KDM4D: variants seen among roughly 807,000 people sequenced by gnomAD.
The protein encoded by KDM4D is lysine-specific demethylase 4D.
For missense variants in KDM4D, 427 were observed against 674.8 expected, an observed-to-expected ratio of 0.63 and a Z score of 4.07; for synonymous variants, 254 against 249.1, an observed-to-expected ratio of 1.02 and a Z score of -0.19.
In KDM4D at chr11:94,997,198, T is replaced by C. The variant is rs374874359; in HGVS notation, c.-175T>C. On this transcript the variant is annotated 5_prime_UTR_variant, in exon 3 of 3. Transcript: ENST00000335080. ...GCTGCTGCCCAGAGTGGAATCTCAC[T>C]AGTGAATAAACAAGCCCAAGAAAGA... The C allele has an allele frequency of 1.4e-5, 7 of 498,824 alleles. No individual in the cohort carries two copies. The highest frequency in any genetic ancestry group is 7.4e-5 in the South Asian group (2 of 27,010). 30.9% of individuals were successfully genotyped at this position (498,824 alleles called of 1,614,324 possible).
chr11:94,995,640 CA>C, intron 2 of KDM4D, among the ~76,000 whole-genome samples: 1 of 152,154 alleles, frequency 6.6e-6, no homozygotes, highest in South Asian at 2.1e-4. Context: ...AATAGGCACT[CA>C]GTTAAAAACT....
At chr11:94,995,051 G>C (rs1472118218) in intron 2 of KDM4D, among the ~76,000 whole-genome samples, 1 of 152,132 alleles carries the variant, frequency 6.6e-6, no homozygotes, top group Admixed American at 6.5e-5. Flanking sequence ...AGAGGGAAGT[G>C]TGTGCCAACT....
intron 2 of KDM4D, among the ~76,000 whole-genome samples, chr11:94,980,965 T>G (rs1054690484): frequency 6.6e-6 from 1 of 152,154 alleles, no homozygotes; most frequent in African/African-American, 2.4e-5. Context: ...AAAATGCTGA[T>G]AGCAAGCATC....
At chr11:94,994,351 G>A (rs987623852) in intron 2 of KDM4D, among the ~76,000 whole-genome samples, 1 of 152,138 alleles carries the variant, frequency 6.6e-6, no homozygotes, top group East Asian at 1.9e-4. Flanking sequence ...AGTTGGAGAA[G>A]GAGAGCAGAA....
chr11:94,975,639 A>T lies in KDM4D; in HGVS notation c.-444-15A>T, dbSNP rs922496013. 6.6e-6 allele frequency: 1 copy of T among 151,956 alleles called. No homozygotes were observed. The highest frequency in any genetic ancestry group is 2.4e-5 in the African/African-American group (1 of 41,396). The allele number at this position is 151,956 out of a possible 1,614,324, so 9.4% of individuals were successfully genotyped here. Reference sequence around the variant, plus strand: ...AATATTATTTTTATTATTATTGTCTATCTTCCTATATTAGAACATAAGTTC... The same window carrying T: ...AATATTATTTTTATTATTATTGTCTTTCTTCCTATATTAGAACATAAGTTC... On this transcript the variant is annotated splice_polypyrimidine_tract_variant and intron_variant, in intron 1 of 2. Coordinates refer to ENST00000335080, the MANE Select transcript of KDM4D (RefSeq NM_018039.3).
At chr11:94,976,066 T>G (rs1159577499) in intron 2 of KDM4D, among the ~76,000 whole-genome samples, 4 of 152,212 alleles carry the variant, frequency 2.6e-5, no homozygotes. Flanking sequence ...AGCTTTTGAC[T>G]TAAATGGTTT....
At chr11:94,983,949 A>G (rs77532434) in intron 2 of KDM4D, among the ~76,000 whole-genome samples, 2,626 of 152,300 alleles carry the variant, frequency 0.017, 78 homozygotes, top group African/African-American at 0.06. Context: ...ATGATAATTC[A>G]AAGTATCTAC....
intron 2 of KDM4D, among the ~76,000 whole-genome samples, chr11:94,985,383 A>G (rs868988892): frequency 6.6e-6 from 1 of 152,374 alleles, no homozygotes; most frequent in South Asian, 2.1e-4. Flanking sequence ...ATGCTTAGGA[A>G]TAAATTTAAC....
intron 2 of KDM4D, among the ~76,000 whole-genome samples, chr11:94,989,674 C>T (rs997145192): frequency 6.6e-6 from 1 of 151,722 alleles, no homozygotes; most frequent in East Asian, 1.9e-4. Flanking sequence ...GAAGTCCACA[C>T]CAAATATTGG....
chr11:94,974,273 C>A (rs188799618), intron 1 of KDM4D, among the ~76,000 whole-genome samples: 27 of 152,192 alleles, frequency 1.8e-4, no homozygotes, highest in Middle Eastern at 6.8e-3. Flanking sequence ...TTTAATAAGA[C>A]AACGAAAAGT....
intron 2 of KDM4D, among the ~76,000 whole-genome samples, chr11:94,987,512 C>T (rs972042076): frequency 6.6e-6 from 1 of 152,186 alleles, no homozygotes; most frequent in East Asian, 1.9e-4. Context: ...CAACTACTGA[C>T]AGGTGCCCCC....
chr11:94,989,960 T>C (rs1190926194), intron 2 of KDM4D, among the ~76,000 whole-genome samples: 2 of 152,262 alleles, frequency 1.3e-5, no homozygotes, highest in East Asian at 1.9e-4. Context: ...GGTTTCACCA[T>C]GTTGGCCAGA....
chr11:94,998,658 C>G lies in KDM4D; in HGVS notation c.1286C>G (p.Pro429Arg), dbSNP rs151327191. ...RAAAVHSSKK[P>R]SSTPSSTPGP... ...GCTGCTGTCCACAGCTCTAAGAAGC[C>G]CAGCTCAACTCCATCATCCACCCCT... The change falls in exon 3 of 3, where the codon CCC becomes CGC. Residue 429 changes from proline (P) to arginine (R), a missense_variant. Transcript: ENST00000335080. The surrounding 1 kb of genome is among the most constrained non-coding windows in gnomAD (Gnocchi z 6.7). 11,353 of 1,614,204 alleles carry G rather than the reference C, an allele frequency of 7.0e-3. 61 individuals are homozygous for G. Among genetic ancestry groups the G allele is most frequent in the Non-Finnish European group, 7.9e-3 (9,301 of 1,180,034 alleles).
chr11:94,993,535 G>A (rs1355918981), intron 2 of KDM4D, among the ~76,000 whole-genome samples: 8 of 145,780 alleles, frequency 5.5e-5, no homozygotes, highest in African/African-American at 1.0e-4. Context: ...TTTTTGGAGC[G>A]CAGTCACACT....
chr11:94,995,455 T>C (rs999023840), intron 2 of KDM4D, among the ~76,000 whole-genome samples: 4 of 152,230 alleles, frequency 2.6e-5, no homozygotes, highest in Admixed American at 2.0e-4. Flanking sequence ...TGTGCTGTTT[T>C]GTTGGGACAG....
intron 2 of KDM4D, among the ~76,000 whole-genome samples, chr11:94,987,660 C>T (rs1359851342): frequency 6.6e-5 from 10 of 152,018 alleles, no homozygotes; most frequent in African/African-American, 2.4e-4. Flanking sequence ...AAACGTTTAA[C>T]ATGAAAGACA....
chr11:94,986,329 C>T (rs7937206), intron 2 of KDM4D, among the ~76,000 whole-genome samples: 1,876 of 152,254 alleles, frequency 0.012, 50 homozygotes, highest in African/African-American at 0.043. Context: ...GTGGCTCGCA[C>T]CTGTAATCCC....
intron 2 of KDM4D, among the ~76,000 whole-genome samples, chr11:94,984,620 C>T (rs1555097930): frequency 6.6e-6 from 1 of 151,290 alleles, no homozygotes; most frequent in African/African-American, 2.4e-5. Context: ...CTTTGGGAAG[C>T]CGAGGAGGGC....
intron 2 of KDM4D, among the ~76,000 whole-genome samples, chr11:94,982,240 T>C (rs1857847710): frequency 6.6e-6 from 1 of 151,950 alleles, no homozygotes; most frequent in African/African-American, 2.4e-5. Flanking sequence ...ATGGTTAATT[T>C]TGTAAATTTT....
Sources: gnomAD v4.1 joint callset for allele counts (sites outside exome capture counted in the v4.1 genomes callset) on GRCh38, gnomAD v4.1.1 for gene constraint, Gnocchi (gnomAD v3.1) non-coding constraint, MANE v1.5 for transcripts, NCBI Gene and HGNC (gene_info 2026-07-23, HGNC 2026-07-21) for gene names.